HS6ST3: variants seen among roughly 807,000 people sequenced by gnomAD.
The protein encoded by HS6ST3 is heparan-sulfate 6-O-sulfotransferase 3.
A neutral mutation model predicts 36.7 loss-of-function variants in HS6ST3; 12 were observed. The observed-to-expected ratio is 0.33, with a 90% CI of 0.21 to 0.53. HS6ST3 has a LOEUF of 0.53. HS6ST3 is among the 20% of genes least tolerant of loss of function. HS6ST3 has a pLI of 0.95. For missense variants in HS6ST3, 584 were observed against 640.9 expected, an observed-to-expected ratio of 0.91 and a Z score of 0.96; for synonymous variants, 240 against 257.5, an observed-to-expected ratio of 0.93 and a Z score of 0.65.
intron 1 of HS6ST3, among the ~76,000 whole-genome samples, chr13:96,723,387 T>G (rs1205854142): frequency 6.6e-6 from 1 of 152,176 alleles, no homozygotes; most frequent in Non-Finnish European, 1.5e-5. Flanking sequence ...ATGAGCAGAA[T>G]AAACTTGGGT....
chr13:96,306,597 A>G (rs1391239109), intron 1 of HS6ST3, among the ~76,000 whole-genome samples: 1 of 152,146 alleles, frequency 6.6e-6, no homozygotes, highest in African/African-American at 2.4e-5. Context: ...GACAGTGCTC[A>G]TAAGTTCTTT....
At chr13:96,325,402 C>A (rs2139417212) in intron 1 of HS6ST3, among the ~76,000 whole-genome samples, 1 of 151,672 alleles carries the variant, frequency 6.6e-6, no homozygotes, top group Non-Finnish European at 1.5e-5. Flanking sequence ...AAACTCAGAC[C>A]AAAAATATTC....
chr13:96,418,439 G>A (rs1223920110), intron 1 of HS6ST3, among the ~76,000 whole-genome samples: 4 of 152,174 alleles, frequency 2.6e-5, no homozygotes, highest in Non-Finnish European at 5.9e-5. Context: ...TGTGCCTTCT[G>A]TCTTGCTCAG....
At chr13:96,261,878 A>G (rs1418827131) in intron 1 of HS6ST3, among the ~76,000 whole-genome samples, 6 of 152,206 alleles carry the variant, frequency 3.9e-5, no homozygotes, top group African/African-American at 1.2e-4. Flanking sequence ...ATTTCAGCCT[A>G]GTCTGGTCAG....
intron 1 of HS6ST3, among the ~76,000 whole-genome samples, chr13:96,530,602 A>G (rs1408512162): frequency 4.0e-5 from 6 of 151,810 alleles, no homozygotes; most frequent in Admixed American, 2.6e-4. Context: ...TCCTGGGCTC[A>G]AGTGATCCTC....
chr13:96,098,466 A>T (rs759665922), intron 1 of HS6ST3, among the ~76,000 whole-genome samples: 44 of 152,148 alleles, frequency 2.9e-4, no homozygotes, highest in Non-Finnish European at 6.0e-4. Context: ...TGACAAATTT[A>T]TCAGCCACTG....
chr13:96,191,948 G>C (rs945928386), intron 1 of HS6ST3, among the ~76,000 whole-genome samples: 1 of 152,084 alleles, frequency 6.6e-6, no homozygotes, highest in Non-Finnish European at 1.5e-5. Flanking sequence ...GCATTCTTTC[G>C]AGTCAGAGAG....
chr13:96,363,699 T>C (rs2055250348), intron 1 of HS6ST3, among the ~76,000 whole-genome samples: 1 of 152,012 alleles, frequency 6.6e-6, no homozygotes, highest in Admixed American at 6.6e-5. Context: ...TTAAAAAAAA[T>C]GGAAAAGTCA....
intron 1 of HS6ST3, among the ~76,000 whole-genome samples, chr13:96,296,515 G>C (rs1456647903): frequency 6.6e-6 from 1 of 152,094 alleles, no homozygotes; most frequent in Non-Finnish European, 1.5e-5. Flanking sequence ...GTGAACTACA[G>C]AACAACGGTG....
At chr13:96,269,434 C>T (rs886777112) in intron 1 of HS6ST3, among the ~76,000 whole-genome samples, 2 of 151,980 alleles carry the variant, frequency 1.3e-5, no homozygotes, top group Non-Finnish European at 2.9e-5. Context: ...AAAATGTGAC[C>T]GCTTTGTGCG....
intron 1 of HS6ST3, among the ~76,000 whole-genome samples, chr13:96,534,318 T>C (rs2056146928): frequency 6.6e-6 from 1 of 152,236 alleles, no homozygotes. Flanking sequence ...GTAATCCAGA[T>C]ATATATACTG....
chr13:96,733,372 A>G lies in HS6ST3; in HGVS notation c.708-99118A>G, dbSNP rs576963738. Among the ~76,000 whole-genome samples the G allele has an allele frequency of 6.6e-5, 10 of 152,292 alleles. No homozygotes were observed. The East Asian group carries it at 1.5e-3, about 24-fold the overall frequency. On this transcript the variant is annotated intron_variant, in intron 1 of 1. Transcript: ENST00000376705. ...TTGAAGTTTGCCAAATGCTTTTTCT[A>G]TATCTATTAAAATGATTATATAAGT...
At chr13:96,178,783 G>A (rs1222075889) in intron 1 of HS6ST3, among the ~76,000 whole-genome samples, 1 of 152,108 alleles carries the variant, frequency 6.6e-6, no homozygotes, top group Non-Finnish European at 1.5e-5. Context: ...AAAGAATAGG[G>A]AAGGCTGGAA....
At chr13:96,739,241 G>C (rs1417014286) in intron 1 of HS6ST3, among the ~76,000 whole-genome samples, 1 of 150,170 alleles carries the variant, frequency 6.7e-6, no homozygotes, top group African/African-American at 2.4e-5. Context: ...GTGTGTGTGT[G>C]TGTGTGTGTG....
intron 1 of HS6ST3, among the ~76,000 whole-genome samples, chr13:96,326,480 A>T (rs1171312726): frequency 2.0e-5 from 3 of 151,910 alleles, no homozygotes; most frequent in African/African-American, 7.3e-5. Context: ...TCCCAGCTTC[A>T]TCCATGTCCC....
At chr13:96,492,115 A>G (rs766412516) in intron 1 of HS6ST3, among the ~76,000 whole-genome samples, 4 of 152,290 alleles carry the variant, frequency 2.6e-5, no homozygotes, top group Middle Eastern at 3.4e-3. Context: ...GTAGGTAGGT[A>G]ACGTTGCTTT....
At chr13:96,171,796 G>T (rs956744914) in intron 1 of HS6ST3, among the ~76,000 whole-genome samples, 1 of 152,064 alleles carries the variant, frequency 6.6e-6, no homozygotes, top group African/African-American at 2.4e-5. Flanking sequence ...TAGATTGAAA[G>T]AAAAAATATT....
intron 1 of HS6ST3, among the ~76,000 whole-genome samples, chr13:96,369,356 C>G (rs1232344990): frequency 6.6e-6 from 1 of 152,142 alleles, no homozygotes; most frequent in Non-Finnish European, 1.5e-5. Context: ...ATCACCCCCT[C>G]TTTCCTCAGT....
chr13:96,440,028 G>A (rs2055662863), intron 1 of HS6ST3, among the ~76,000 whole-genome samples: 1 of 152,226 alleles, frequency 6.6e-6, no homozygotes, highest in South Asian at 2.1e-4. Context: ...TTGATAGAGT[G>A]ATATGCTCCA....
Sources: gnomAD v4.1 joint callset for allele counts (sites outside exome capture counted in the v4.1 genomes callset) on GRCh38, gnomAD v4.1.1 for gene constraint, MANE v1.5 for transcripts, NCBI Gene and HGNC (gene_info 2026-07-23, HGNC 2026-07-21) for gene names.